The following EMC3 variants were observed in gnomAD, a reference collection of about 807,000 sequenced individuals.
EMC3 encodes 30 kDa protein.
A neutral mutation model predicts 36.6 loss-of-function variants in EMC3; 13 were observed. That is an observed-to-expected ratio of 0.35 (90% CI 0.23 to 0.56). The LOEUF (loss-of-function observed/expected upper bound fraction) is 0.56, where lower values mean the gene tolerates loss of function less well. EMC3 is among the 20% of genes least tolerant of loss of function. The pLI, the probability that EMC3 is intolerant of heterozygous loss-of-function variation, is 0.84. For synonymous variants in EMC3, 120 were observed against 111.9 expected (o/e 1.07, Z -0.46); for missense variants, 220 against 324.5 (o/e 0.68, Z 2.47).
chr3:9,992,894 C>T lies in EMC3; in HGVS notation c.-241-5992G>A, dbSNP rs1328531624. The T allele has an allele frequency of 1.8e-5, 28 of 1,588,620 alleles. No homozygotes were observed. In the Admixed American group the frequency reaches 4.7e-4, roughly 27 times the overall value. The stretch of plus-strand genomic sequence containing the variant: ...TTATTGACCTGGTGATGCTTTTCAT[C>T]ATCTATAGCACCAATACTCAGACAA... On this transcript the variant is annotated intron_variant, in intron 1 of 8. Transcript: ENST00000470827.
chr3:9,986,748 C>A lies in EMC3; in HGVS notation c.-87G>T, dbSNP rs577770712. 1.9e-6 allele frequency: 3 copies of A among 1,567,296 alleles called. No individual in the cohort carries two copies. The highest frequency in any genetic ancestry group is 4.5e-5 in the East Asian group (2 of 44,482). On this transcript the variant is annotated 5_prime_UTR_variant, in exon 1 of 8. Transcript: ENST00000245046. ...GCTTCTCTTCGGCTTCGCCTCCGGG[C>A]CTTCTCAAGCCCCTTTGCCCGTGTA...
At chr3:9,981,289 T>C (rs1307321887) in intron 1 of EMC3, among the ~76,000 whole-genome samples, 2 of 152,198 alleles carry the variant, frequency 1.3e-5, no homozygotes, top group African/African-American at 2.4e-5. Context: ...CTCAAGACTT[T>C]CCCAGGCAGT....
At chr3:9,992,058 A>G (rs1054638414) in intron 1 of EMC3, among the ~76,000 whole-genome samples, 4 of 152,002 alleles carry the variant, frequency 2.6e-5, no homozygotes, top group Non-Finnish European at 5.9e-5. Flanking sequence ...AGCAGACCAC[A>G]GACTCCGTGA....
In EMC3 at chr3:9,962,687, G is replaced by C. The variant is rs767159224; in HGVS notation, c.*1382C>G. ...GCAACACTTTCACAGGCAAAGAAGA[G>C]AAAACAGGACGGTTTAATTTGTGGA... On this transcript the variant is annotated 3_prime_UTR_variant, in exon 8 of 8. Coordinates refer to ENST00000245046, the MANE Select transcript of EMC3 (RefSeq NM_001394674.1). 2 of 152,646 alleles carry C rather than the reference G, an allele frequency of 1.3e-5. No homozygotes were observed. Among genetic ancestry groups the C allele is most frequent in the Non-Finnish European group, 2.9e-5 (2 of 68,072 alleles). The allele number at this position is 152,646 out of a possible 1,614,324, so 9.5% of individuals were successfully genotyped here.
intron 1 of EMC3, chr3:10,007,665 G>A (rs537438328): frequency 2.2e-6 from 3 of 1,343,542 alleles, no homozygotes; most frequent in East Asian, 9.2e-5. Context: ...GCTTTCATAA[G>A]GTAGGTTCCA....
chr3:9,969,349 CT>C, intron 7 of EMC3: 1 of 1,106,342 alleles, frequency 9.0e-7, no homozygotes, highest in Admixed American at 5.0e-5. Flanking sequence ...ATTCTAGAAC[CT>C]TTTTGTGAAA....
rs71052280 is a variant in EMC3 at position 9,978,145 on chromosome 3, T to TAAAAAAAAAAAAAAAAA, written c.156-716_156-700dup. Reference sequence around the variant, plus strand: ...GGGCAACATAGCAAGACCCTGTCTCTAAAAAAAAAAAAAAAAAAAAAAAAA... The same window carrying TAAAAAAAAAAAAAAAAA: ...GGGCAACATAGCAAGACCCTGTCTCTAAAAAAAAAAAAAAAAAAAAAAAAAAAAAAAAAAAAAAAAAA... On this transcript the variant is annotated intron_variant, in intron 1 of 7. Transcript: ENST00000245046. 4 of 27,282 alleles carry TAAAAAAAAAAAAAAAAA rather than the reference T, an allele frequency of 1.5e-4. 1 individual carries two copies. The highest frequency in any genetic ancestry group is 2.6e-4 in the Non-Finnish European group (4 of 15,410). 1.7% of individuals were successfully genotyped at this position (27,282 alleles called of 1,614,324 possible). A position where few individuals can be genotyped will look rare whatever the true frequency, so the allele number is the denominator to read the frequency against.
intron 1 of EMC3, among the ~76,000 whole-genome samples, chr3:9,978,659 G>C (rs2085876120): frequency 2.6e-5 from 4 of 151,712 alleles, no homozygotes; most frequent in African/African-American, 9.7e-5. Flanking sequence ...ATGAAACCCT[G>C]TCTCTACTAA....
intron 1 of EMC3, among the ~76,000 whole-genome samples, chr3:9,994,666 A>G (rs929976254): frequency 7.9e-5 from 12 of 151,786 alleles, no homozygotes; most frequent in Admixed American, 7.2e-4. Context: ...CGCCTCCCGG[A>G]TTCAAGCAGT....
chr3:9,978,630 G>C (rs1232424509), intron 1 of EMC3, among the ~76,000 whole-genome samples: 2 of 152,050 alleles, frequency 1.3e-5, no homozygotes, highest in Non-Finnish European at 2.9e-5. Context: ...AGGAGTTTGA[G>C]ACCAGCCTTG....
chr3:9,998,870 T>C (rs559539342), intron 1 of EMC3, among the ~76,000 whole-genome samples: 3 of 152,122 alleles, frequency 2.0e-5, no homozygotes, highest in Admixed American at 6.5e-5. Context: ...GATCCTCTCA[T>C]GTCAGCCTTC....
At chr3:10,003,382 C>T (rs906554064) in intron 1 of EMC3, 3 of 367,198 alleles carry the variant, frequency 8.2e-6, no homozygotes, top group Non-Finnish European at 1.6e-5. Context: ...ATAAGATGAC[C>T]CCAACATAGT....
intron 1 of EMC3, among the ~76,000 whole-genome samples, chr3:9,998,531 G>C (rs576428135): frequency 6.6e-6 from 1 of 151,814 alleles, no homozygotes; most frequent in East Asian, 1.9e-4. Context: ...CTGGGCTCAA[G>C]CAGTCTTCCC....
rs1449043168 is a variant in EMC3 at position 9,984,613 on chromosome 3, G to C, written c.155+1894C>G. On this transcript the variant is annotated intron_variant, in intron 1 of 7. Transcript: ENST00000245046. ...TCACCATGTTAGCCAGGATGGTCTC[G>C]ATCTCCTGACCTCGTGATCCGTCCG... 4.0e-5 allele frequency among the ~76,000 whole-genome samples: 6 copies of C among 150,844 alleles called. No individual in the cohort carries two copies. In the East Asian group the frequency reaches 9.8e-4, roughly 25 times the overall value.
intron 7 of EMC3, chr3:9,968,721 T>G (rs969161556): frequency 6.6e-6 from 1 of 152,304 alleles, no homozygotes; most frequent in Admixed American, 6.5e-5. Context: ...CTTGGCTCAC[T>G]ACAGCCTCCG....
rs61596273 is a variant in EMC3 at position 9,963,477 on chromosome 3, A to ATATATATTTTTTTT, written c.*591_*592insAAAAAAAATATATA. On this transcript the variant is annotated 3_prime_UTR_variant, in exon 8 of 8. Coordinates refer to ENST00000245046, the MANE Select transcript of EMC3 (RefSeq NM_001394674.1). ...TAGATATATATATATATATATATAT[A>ATATATATTTTTTTT]TTTTTTTTTTTTTTTCAGATGGAGT... 1.1e-5 allele frequency: 1 copy of ATATATATTTTTTTT among 88,926 alleles called. No homozygotes were observed. The highest frequency in any genetic ancestry group is 4.7e-5 in the African/African-American group (1 of 21,328). 5.5% of individuals were successfully genotyped at this position (88,926 alleles called of 1,614,324 possible).
At chr3:9,983,682 A>G (rs942408181) in intron 1 of EMC3, among the ~76,000 whole-genome samples, 2 of 150,916 alleles carry the variant, frequency 1.3e-5, no homozygotes, top group Admixed American at 6.6e-5. Context: ...AAAAAAAAAA[A>G]GGTTCTTGTA....
intron 1 of EMC3, chr3:10,009,146 C>T (rs1307407459): frequency 6.6e-6 from 1 of 152,318 alleles, no homozygotes; most frequent in Non-Finnish European, 1.5e-5. Flanking sequence ...CCGACTCAGC[C>T]CAGCCTGGGC....
chr3:9,988,268 T>A, upstream of EMC3: 1 of 639,788 alleles, frequency 1.6e-6, no homozygotes, highest in Non-Finnish European at 2.9e-6. Flanking sequence ...TACATGAGGT[T>A]GTCATTTACT....
Sources: gnomAD v4.1 joint callset for allele counts (sites outside exome capture counted in the v4.1 genomes callset) on GRCh38, gnomAD v4.1.1 for gene constraint, MANE v1.5 for transcripts, NCBI Gene and HGNC (gene_info 2026-07-23, HGNC 2026-07-21) for gene names.